GABRA4: variants seen among roughly 807,000 people sequenced by gnomAD.
The protein encoded by GABRA4 is gamma-aminobutyric acid receptor subunit alpha-4.
Under a neutral mutation model 49.7 loss-of-function variants are expected in GABRA4, and 12 were observed. That is an observed-to-expected ratio of 0.24 (90% confidence interval 0.15 to 0.39). The LOEUF is 0.39. GABRA4 is among the 10% of genes least tolerant of loss of function. The pLI, the probability that GABRA4 is intolerant of heterozygous loss-of-function variation, is 1.00. For missense variants in GABRA4, 506 were observed against 686.0 expected (o/e 0.74, Z 2.93); for synonymous variants, 288 against 240.2 (o/e 1.20, Z -1.84).
intron 5 of GABRA4, among the ~76,000 whole-genome samples, 193 bp downstream of exon 5, chr4:46,976,868 T>C (rs1461049945): frequency 1.3e-5 from 2 of 152,050 alleles, no homozygotes; most frequent in African/African-American, 2.4e-5. Context: ...TTTTTGTTTG[T>C]TGTGGGGAAA....
intron 2 of GABRA4, among the ~76,000 whole-genome samples, chr4:46,980,373 C>CAA (rs35377347): frequency 0.28 from 35,652 of 126,868 alleles, 4,950 homozygotes; most frequent in Middle Eastern, 0.39. Flanking sequence ...CGATTTATGC[C>CAA]AAAAAAAAAA....
At chr4:46,981,924 G>A (rs1723371228) in intron 2 of GABRA4, among the ~76,000 whole-genome samples, 1 of 152,042 alleles carries the variant, frequency 6.6e-6, no homozygotes, top group Non-Finnish European at 1.5e-5. Context: ...TCAAAGACCG[G>A]AAAAGGGCTG....
rs1721016931 is a variant in GABRA4, at chr4:46,921,221, A to T, written c.*7004T>A. The stretch of plus-strand genomic sequence containing the variant: ...AAAATTTTCCATTAAATGTATCGTT[A>T]TCCAAAAAGAAATTAAAAACGTTTA... On this transcript the variant is annotated 3_prime_UTR_variant, in exon 9 of 9. Transcript: ENST00000264318. 6.6e-6 allele frequency: 1 copy of T among 151,798 alleles called. No individual in the cohort carries two copies. Among genetic ancestry groups the T allele is most frequent in the South Asian group, 2.1e-4 (1 of 4,824 alleles). 9.4% of individuals were successfully genotyped at this position (151,798 alleles called of 1,614,324 possible).
chr4:46,978,239 C>A (rs1723213804), intron 3 of GABRA4, among the ~76,000 whole-genome samples: 1 of 151,994 alleles, frequency 6.6e-6, no homozygotes, highest in Admixed American at 6.6e-5. Context: ...AGCTCTTAAA[C>A]ATGAGTGAGA....
At chr4:46,951,642 T>A (rs1722175039) in intron 8 of GABRA4, among the ~76,000 whole-genome samples, 1 of 151,964 alleles carries the variant, frequency 6.6e-6, no homozygotes, top group South Asian at 2.1e-4. Context: ...AAAGTGCAGA[T>A]GTGCTAAACG....
intron 8 of GABRA4, among the ~76,000 whole-genome samples, chr4:46,940,566 A>C (rs1218875990): frequency 6.6e-6 from 1 of 152,078 alleles, no homozygotes; most frequent in Non-Finnish European, 1.5e-5. Flanking sequence ...TACCAATGGA[A>C]GTAGTCAATT....
intron 2 of GABRA4, among the ~76,000 whole-genome samples, chr4:46,984,688 T>G (rs1422396838): frequency 2.6e-5 from 4 of 152,030 alleles, no homozygotes; most frequent in African/African-American, 9.7e-5. Flanking sequence ...GAAAAGATAT[T>G]CAACCACGTT....
intron 4 of GABRA4, 82 bp from the exon 5 acceptor site, chr4:46,977,225 G>C: frequency 1.3e-6 from 1 of 773,724 alleles, no homozygotes; most frequent in Middle Eastern, 2.6e-4. Context: ...GGAAGGAAGG[G>C]AGGGAAGGAG....
intron 7 of GABRA4, among the ~76,000 whole-genome samples, chr4:46,965,881 G>A (rs932791595): frequency 2.0e-5 from 3 of 151,698 alleles, no homozygotes; most frequent in African/African-American, 4.8e-5. Context: ...ATTACTGGAC[G>A]AATAGATTTC....
chr4:46,958,880 A>G (rs113586193), intron 8 of GABRA4, among the ~76,000 whole-genome samples: 11 of 152,088 alleles, frequency 7.2e-5, no homozygotes, highest in African/African-American at 2.4e-4. Context: ...TGAAATACCA[A>G]ATGTCATGTA....
intron 2 of GABRA4, among the ~76,000 whole-genome samples, chr4:46,980,912 T>C (rs141063018): frequency 3.9e-5 from 6 of 152,172 alleles, no homozygotes; most frequent in African/African-American, 1.2e-4. Flanking sequence ...GGGCAAGTGG[T>C]GATAAGTTAC....
chr4:46,960,476 A>G (rs921264062), intron 8 of GABRA4, among the ~76,000 whole-genome samples: 3 of 151,778 alleles, frequency 2.0e-5, no homozygotes, highest in Non-Finnish European at 2.9e-5. Flanking sequence ...TCAAACATTT[A>G]TAAGTTTTTA....
At position 46,927,624 on chromosome 4, in the gene GABRA4, A is replaced by T. The variant is rs1433334363; in HGVS notation, c.*601T>A. ...CAAAATTTCAAGTCAACTGTTAAGT[A>T]CTGTTTAGCCAACATAAGAAAGGGA... is the stretch of plus-strand genomic sequence containing the variant. On this transcript the variant is annotated 3_prime_UTR_variant, in exon 9 of 9. Coordinates refer to ENST00000264318, the MANE Select transcript of GABRA4 (RefSeq NM_000809.4). The T allele has an allele frequency of 6.6e-6, 1 of 152,642 alleles. No individual in the cohort carries two copies. The highest frequency in any genetic ancestry group is 6.6e-5 in the Admixed American group (1 of 15,236). 9.5% of individuals were successfully genotyped at this position (152,642 alleles called of 1,614,324 possible).
chr4:46,974,788 C>G (rs1686113803), intron 5 of GABRA4, among the ~76,000 whole-genome samples: 1 of 151,904 alleles, frequency 6.6e-6, no homozygotes, highest in Non-Finnish European at 1.5e-5. Context: ...TAACACAGTT[C>G]TGCTATTTAG....
chr4:46,955,928 T>C (rs1233346387), intron 8 of GABRA4, among the ~76,000 whole-genome samples: 1 of 152,142 alleles, frequency 6.6e-6, no homozygotes, highest in African/African-American at 2.4e-5. Flanking sequence ...CTCAGTGCTT[T>C]GCAGGTGACT....
intron 5 of GABRA4, among the ~76,000 whole-genome samples, chr4:46,976,029 G>A (rs1012526178): frequency 6.6e-6 from 1 of 151,840 alleles, no homozygotes; most frequent in African/African-American, 2.4e-5. Flanking sequence ...GTGCGACTAA[G>A]AATCTGAAGC....
At chr4:46,976,701 A>G (rs1723151208) in intron 5 of GABRA4, among the ~76,000 whole-genome samples, 1 of 151,556 alleles carries the variant, frequency 6.6e-6, no homozygotes, top group Non-Finnish European at 1.5e-5. Context: ...CTGAAGTGAT[A>G]TGTGTTATAA....
In GABRA4 at chr4:46,928,255, G is replaced by A. The variant is rs1049898574; in HGVS notation, c.1635C>T (p.Asp545=). The change falls in exon 9 of 9, where the codon GAC becomes GAT. Residue 545 remains aspartate, a synonymous_variant. Coordinates refer to ENST00000264318, the MANE Select transcript of GABRA4 (RefSeq NM_000809.4). The part of the protein sequence containing the change: ...MVYWVVYLSK[D]TMEKSESLM ...TTAGACTTTCTGATTTCTCCATAGTGTCCTTAGATAAATAAACAACCCAAT... is the reference window on the plus strand; with the variant it reads ...TTAGACTTTCTGATTTCTCCATAGTATCCTTAGATAAATAAACAACCCAAT... 4 of 1,612,110 alleles carry A rather than the reference G, an allele frequency of 2.5e-6. No individual in the cohort carries two copies. The highest frequency in any genetic ancestry group is 3.4e-6 in the Non-Finnish European group (4 of 1,179,230).
intron 8 of GABRA4, among the ~76,000 whole-genome samples, chr4:46,953,649 TA>T (rs1423900376): frequency 6.6e-6 from 1 of 152,194 alleles, no homozygotes; most frequent in African/African-American, 2.4e-5. Context: ...ACATGTATTT[TA>T]TGAAAAGTAG....
Sources: allele counts gnomAD v4.1 joint callset (sites outside exome capture counted in the v4.1 genomes callset), GRCh38; gene constraint gnomAD v4.1.1; transcripts MANE v1.5; gene names NCBI Gene and HGNC (gene_info 2026-07-23, HGNC 2026-07-21).